SHISAL1: variants seen among roughly 807,000 people sequenced by gnomAD.
SHISAL1 encodes protein shisa-like-1.
In SHISAL1, 9 loss-of-function variants were observed where a neutral mutation model predicts 22.6. That is an observed-to-expected ratio of 0.40 (90% confidence interval 0.24 to 0.70). The LOEUF (loss-of-function observed/expected upper bound fraction) is 0.70, where lower values mean the gene tolerates loss of function less well. Among genes scored for constraint, SHISAL1 ranks in the 30% least tolerant of loss-of-function variants. The pLI, the probability that SHISAL1 is intolerant of heterozygous loss-of-function variation, is 0.39. For synonymous variants in SHISAL1, 119 were observed against 115.4 expected, an observed-to-expected ratio of 1.03 and a Z score of -0.20; for missense variants, 246 against 270.6, an observed-to-expected ratio of 0.91 and a Z score of 0.64.
chr22:44,307,948 A>T (rs775866329), intron 1 of SHISAL1, among the ~76,000 whole-genome samples: 18 of 152,116 alleles, frequency 1.2e-4, no homozygotes, highest in Non-Finnish European at 1.8e-4. Context: ...GACCCCCTAC[A>T]GCACTGGGGG....
chr22:44,264,099 C>G (rs1057103523), intron 4 of SHISAL1, among the ~76,000 whole-genome samples: 1 of 152,180 alleles, frequency 6.6e-6, no homozygotes, highest in Non-Finnish European at 1.5e-5. Context: ...GCAAAGGGCA[C>G]AGATCCAGGC....
At chr22:44,322,133 G>A in the SHISAL1 span, among the ~76,000 whole-genome samples, 1 of 152,254 alleles carries the variant, frequency 6.6e-6, no homozygotes, top group African/African-American at 2.4e-5. Flanking sequence ...CATAGTGGCT[G>A]CGTGCCCTTG....
chr22:44,249,695 A>ATACAAGG lies in SHISAL1; in HGVS notation c.*-17_*-11dup, dbSNP rs150968279. 0.018 allele frequency: 13,780 copies of ATACAAGG among 779,050 alleles called. 197 individuals are homozygous for ATACAAGG. The highest frequency in any genetic ancestry group is 0.027 in the Non-Finnish European group (11,085 of 417,956). 48.3% of individuals were successfully genotyped at this position (779,050 alleles called of 1,614,324 possible). The stretch of plus-strand genomic sequence containing the variant: ...ACAGCAAAAGCGTTTTCTGGAGGAA[A>ATACAAGG]TACAAGGAAAAAAAGTATCACATGG... On this transcript the variant is annotated splice_polypyrimidine_tract_variant and intron_variant, in intron 4 of 4. Transcript: ENST00000381176.
chr22:44,287,004 A>T (rs1244770433), intron 3 of SHISAL1, among the ~76,000 whole-genome samples: 1 of 151,938 alleles, frequency 6.6e-6, no homozygotes, highest in African/African-American at 2.4e-5. Context: ...CCAGGGAGAG[A>T]CTCACCTCGC....
chr22:44,326,197 G>C, the SHISAL1 span, among the ~76,000 whole-genome samples: 1 of 152,196 alleles, frequency 6.6e-6, no homozygotes, highest in Non-Finnish European at 1.5e-5. Flanking sequence ...TCCGTGACAA[G>C]CTCCGGGAGC....
At position 44,244,774 on chromosome 22, in the gene SHISAL1, T is replaced by C. The variant is rs2054984190; in HGVS notation, c.*4911A>G. 6.6e-6 allele frequency: 1 copy of C among 152,206 alleles called. No homozygotes were observed. Among genetic ancestry groups the C allele is most frequent in the Admixed American group, 6.5e-5 (1 of 15,286 alleles). The allele number at this position is 152,206 out of a possible 1,614,324, so 9.4% of individuals were successfully genotyped here. A position where few individuals can be genotyped will look rare whatever the true frequency, so the allele number is the denominator to read the frequency against. ...GCAAGTGGCAGGCACTCGGCAAGTA[T>C]CTGAATAGGTGAGGGAAGCGCGTGT... On this transcript the variant is annotated 3_prime_UTR_variant, in exon 5 of 5. Transcript: ENST00000381176.
chr22:44,249,718 T>G lies in SHISAL1; in HGVS notation c.*-33A>C, dbSNP rs775436721. 219 of 778,750 alleles carry G rather than the reference T, an allele frequency of 2.8e-4. No individual in the cohort carries two copies. The East Asian group carries it at 5.2e-3, about 19-fold the overall frequency. 48.2% of individuals were successfully genotyped at this position (778,750 alleles called of 1,614,324 possible). On this transcript the variant is annotated intron_variant, in intron 4 of 4. Coordinates refer to ENST00000381176, the MANE Select transcript of SHISAL1 (RefSeq NM_001099294.2). ...AAATACAAGGAAAAAAAGTATCACA[T>G]GGTGTCTCCTCCATGGGGACATTTC...
upstream of SHISAL1, among the ~76,000 whole-genome samples, chr22:44,316,047 G>T (rs1660798902): frequency 6.6e-6 from 1 of 152,184 alleles, no homozygotes; most frequent in Admixed American, 6.5e-5. Context: ...CAGTGCCCGT[G>T]ACAGACCTGG....
At chr22:44,271,273 C>T (rs1320941023) in intron 4 of SHISAL1, among the ~76,000 whole-genome samples, 1 of 152,208 alleles carries the variant, frequency 6.6e-6, no homozygotes, top group African/African-American at 2.4e-5. Context: ...TTGTTCCTGC[C>T]TGCCCCCACC....
intron 2 of SHISAL1, among the ~76,000 whole-genome samples, chr22:44,300,014 G>C (rs1426405006): frequency 6.7e-6 from 1 of 149,168 alleles, no homozygotes; most frequent in Non-Finnish European, 1.5e-5. Context: ...GAAACAGAGA[G>C]ACAGAGACAG....
intron 4 of SHISAL1, among the ~76,000 whole-genome samples, chr22:44,267,995 C>T (rs2055176671): frequency 6.6e-6 from 1 of 152,222 alleles, no homozygotes; most frequent in Admixed American, 6.5e-5. Context: ...GCTGCCCTGG[C>T]TTTGGGAGTG....
chr22:44,299,048 G>A (rs958333341), intron 2 of SHISAL1, among the ~76,000 whole-genome samples: 1 of 152,212 alleles, frequency 6.6e-6, no homozygotes, highest in Admixed American at 6.5e-5. Flanking sequence ...AAGGCGGGCT[G>A]GGGGCTCCCA....
intron 2 of SHISAL1, 60 bp from the exon 3 acceptor site, chr22:44,296,945 G>T: frequency 1.5e-6 from 2 of 1,377,114 alleles, no homozygotes; most frequent in Non-Finnish European, 2.0e-6. Flanking sequence ...GTGCCAAGAG[G>T]CAGGGGGACT....
intron 4 of SHISAL1, among the ~76,000 whole-genome samples, chr22:44,276,927 G>A (rs1005970993): frequency 2.0e-5 from 3 of 152,182 alleles, no homozygotes; most frequent in African/African-American, 4.8e-5. Flanking sequence ...GAAGGGCAGC[G>A]ATGAGGGGCC....
At position 44,247,001 on chromosome 22, in the gene SHISAL1, C is replaced by T. The variant is rs1331073451; in HGVS notation, c.*2684G>A. On this transcript the variant is annotated 3_prime_UTR_variant, in exon 5 of 5. Transcript: ENST00000381176. ...GGTTTTTCAGTTATTCCTGAAAAGA[C>T]CTCTTGCGGGGAGGGGGGCAGGCAG... is the stretch of plus-strand genomic sequence containing the variant. 1 of 152,376 alleles carries T rather than the reference C, an allele frequency of 6.6e-6. No homozygotes were observed. Among genetic ancestry groups the T allele is most frequent in the Non-Finnish European group, 1.5e-5 (1 of 68,248 alleles). 9.4% of individuals were successfully genotyped at this position (152,376 alleles called of 1,614,324 possible). A position where few individuals can be genotyped will look rare whatever the true frequency, so the allele number is the denominator to read the frequency against.
chr22:44,327,772 G>A, the SHISAL1 span, among the ~76,000 whole-genome samples: 1 of 152,134 alleles, frequency 6.6e-6, no homozygotes, highest in Non-Finnish European at 1.5e-5. Context: ...TGGAATGGGT[G>A]TCCCCTGGTG....
intron 4 of SHISAL1, among the ~76,000 whole-genome samples, chr22:44,262,728 G>T (rs1390305573): frequency 6.6e-6 from 1 of 152,226 alleles, no homozygotes; most frequent in Admixed American, 6.5e-5. Flanking sequence ...GGCCCTAGTG[G>T]CCCTGGCGAG....
chr22:44,245,859 A>ATCTT lies in SHISAL1; in HGVS notation c.*3822_*3825dup, dbSNP rs1491269173. On this transcript the variant is annotated 3_prime_UTR_variant, in exon 5 of 5. Transcript: ENST00000381176. ...CAGCTCTGGGCCAAAATTTGACTGA[A>ATCTT]TCTTTCTGATGATGAGGGGAGATGC... is the stretch of plus-strand genomic sequence containing the variant. 6.6e-6 allele frequency: 1 copy of ATCTT among 152,186 alleles called. No homozygotes were observed. The highest frequency in any genetic ancestry group is 1.5e-5 in the Non-Finnish European group (1 of 68,068). 9.4% of individuals were successfully genotyped at this position (152,186 alleles called of 1,614,324 possible).
chr22:44,271,690 C>G (rs2055206599), intron 4 of SHISAL1, among the ~76,000 whole-genome samples: 1 of 152,184 alleles, frequency 6.6e-6, no homozygotes, highest in Non-Finnish European at 1.5e-5. Context: ...CCCTGCAAAG[C>G]CTAATCTGGG....
Sources: gnomAD v4.1 joint callset for allele counts (sites outside exome capture counted in the v4.1 genomes callset) on GRCh38, gnomAD v4.1.1 for gene constraint, MANE v1.5 for transcripts, NCBI Gene and HGNC (gene_info 2026-07-23, HGNC 2026-07-21) for gene names.